Variants in NDC1 observed in about 807,000 individuals in gnomAD.
The protein encoded by NDC1 is NDC1 transmembrane nucleoporin, also known as nucleoporin NDC1.
NDC1 carries 24 observed loss-of-function variants against 89.8 expected under a neutral mutation model. The ratio of observed to expected loss-of-function variants is 0.27; its 90% CI spans 0.19 to 0.38. The LOEUF is 0.38. Ranked by LOEUF, NDC1 falls within the 10% of genes least tolerant of loss-of-function variation. The probability of loss-of-function intolerance (pLI) is 1.00; values close to 1 mark genes in which losing one functional copy is unlikely to be tolerated. For missense variants in NDC1, 728 were observed against 797.6 expected, an observed-to-expected ratio of 0.91 and a Z score of 1.05; for synonymous variants, 296 against 284.8, an observed-to-expected ratio of 1.04 and a Z score of -0.39.
chr1:53,806,371 T>C (rs908119879), intron 9 of NDC1, 54 bp downstream of exon 9: 2 of 1,130,286 alleles, frequency 1.8e-6, no homozygotes, highest in East Asian at 2.7e-5. Context: ...ATATTAAGTG[T>C]ATTGAATAAA....
At chr1:53,780,014 G>A (rs1184504750) in intron 16 of NDC1, among the ~76,000 whole-genome samples, 1 of 152,026 alleles carries the variant, frequency 6.6e-6, no homozygotes, top group Non-Finnish European at 1.5e-5. Context: ...CTACTTGCAA[G>A]ACTAGCTCAG....
At chr1:53,812,732 C>T (rs543811937) in intron 6 of NDC1, among the ~76,000 whole-genome samples, 7 of 152,288 alleles carry the variant, frequency 4.6e-5, no homozygotes, top group African/African-American at 1.7e-4. Flanking sequence ...ACCTAGACAT[C>T]CAAATACAAG....
At chr1:53,822,566 G>A (rs7519772) in intron 5 of NDC1, among the ~76,000 whole-genome samples, 158 of 151,930 alleles carry the variant, frequency 1.0e-3, no homozygotes, top group African/African-American at 3.6e-3. Flanking sequence ...ACTGTTACCA[G>A]TTTAGTGTAT....
chr1:53,776,438 T>C (rs1445331588), intron 16 of NDC1, among the ~76,000 whole-genome samples: 1 of 152,168 alleles, frequency 6.6e-6, no homozygotes, highest in Admixed American at 6.5e-5. Context: ...CATGTAAAAA[T>C]GGATATAAAA....
In NDC1 at chr1:53,777,860, T is replaced by C. The variant is rs548741026; in HGVS notation, c.1801-5371A>G. Among the ~76,000 whole-genome samples the C allele has an allele frequency of 3.3e-5, 5 of 152,204 alleles. 1 individual carries two copies. Among genetic ancestry groups the C allele is most frequent in the Non-Finnish European group, 5.9e-5 (4 of 68,010 alleles). ...CCCCAAGTAGACGGGACTATAGGCG[T>C]GTGCACCTCCCCACCTAAATTTTGT... On this transcript the variant is annotated intron_variant, in intron 16 of 17. Transcript: ENST00000371429.
intron 16 of NDC1, among the ~76,000 whole-genome samples, chr1:53,775,851 A>G (rs1286987744): frequency 6.6e-6 from 1 of 152,150 alleles, no homozygotes; most frequent in Non-Finnish European, 1.5e-5. Context: ...AGCATACCAC[A>G]TATATTTCCT....
chr1:53,794,431 C>G (rs1647626106), intron 13 of NDC1, among the ~76,000 whole-genome samples: 3 of 152,178 alleles, frequency 2.0e-5, no homozygotes, highest in African/African-American at 7.2e-5. Context: ...CAGCACGTGT[C>G]TGGTTGGGTA....
At chr1:53,823,348 T>A (rs1570230032) in intron 5 of NDC1, among the ~76,000 whole-genome samples, 1 of 152,220 alleles carries the variant, frequency 6.6e-6, no homozygotes, top group East Asian at 1.9e-4. Flanking sequence ...AAATCAATAC[T>A]CTGTCAAAGC....
intron 6 of NDC1, among the ~76,000 whole-genome samples, chr1:53,811,284 G>A (rs796165460): frequency 6.6e-6 from 1 of 152,262 alleles, no homozygotes; most frequent in African/African-American, 2.4e-5. Flanking sequence ...GCCAGAACTT[G>A]GGGGAGAGGG....
rs148955439 is a variant in NDC1 at position 53,807,666 on chromosome 1, T to C, written c.881A>G (p.Tyr294Cys). 18 of 1,604,638 alleles carry C rather than the reference T, an allele frequency of 1.1e-5. No homozygotes were observed. The highest frequency in any genetic ancestry group is 4.5e-5 in the South Asian group (4 of 88,578). ...TTTTAAAAAACATACCTCTGTGGCA[T>C]AGATTTTGAAGAGTATCCATGAGAC... is the stretch of plus-strand genomic sequence containing the variant. ...WYVSWILFKI[Y>C]ATEAHVFPVQ... is the part of the protein sequence containing the mutation. The change falls in exon 8 of 18, where the codon TAT becomes TGT. Residue 294 changes from tyrosine (Y) to cysteine (C), a missense_variant. Transcript: ENST00000371429.
chr1:53,833,337 T>C (rs1649127230), intron 2 of NDC1, among the ~76,000 whole-genome samples: 1 of 152,066 alleles, frequency 6.6e-6, no homozygotes, highest in Non-Finnish European at 1.5e-5. Context: ...GTTCTCACTA[T>C]GTTGTCAAGG....
chr1:53,788,723 G>A (rs1221412211), intron 15 of NDC1, among the ~76,000 whole-genome samples: 1 of 151,768 alleles, frequency 6.6e-6, no homozygotes, highest in Non-Finnish European at 1.5e-5. Flanking sequence ...CACCGCAACT[G>A]GCCCACAAAA....
At chr1:53,798,647 C>T (rs932619691) in intron 11 of NDC1, among the ~76,000 whole-genome samples, 2 of 151,090 alleles carry the variant, frequency 1.3e-5, no homozygotes, top group African/African-American at 2.4e-5. Context: ...CTCCACCTCC[C>T]GAGTTCAAGC....
chr1:53,817,333 G>A (rs1648515979), intron 6 of NDC1, among the ~76,000 whole-genome samples: 1 of 152,212 alleles, frequency 6.6e-6, no homozygotes, highest in Non-Finnish European at 1.5e-5. Flanking sequence ...ATCAGCATTT[G>A]CAGTGACCTG....
Position 53,807,587 on chromosome 1 carries a change from C to T in NDC1, c.891+69G>A, listed in dbSNP as rs1448905436. 7 of 1,372,848 alleles carry T rather than the reference C, an allele frequency of 5.1e-6. No individual in the cohort carries two copies. The Admixed American group carries it at 1.5e-4, about 30-fold the overall frequency. The allele number at this position is 1,372,848 out of a possible 1,614,324, so 85.0% of individuals were successfully genotyped here. A position where few individuals can be genotyped will look rare whatever the true frequency, so the allele number is the denominator to read the frequency against. ...GGTTTTGCGTGTGCTGATCAGTGTGCTCTGCTAAAAATCAACTGTGCACTC... is the reference window on the plus strand; with the variant it reads ...GGTTTTGCGTGTGCTGATCAGTGTGTTCTGCTAAAAATCAACTGTGCACTC... On this transcript the variant is annotated intron_variant, in intron 8 of 17. Coordinates refer to ENST00000371429, the MANE Select transcript of NDC1 (RefSeq NM_018087.5).
At chr1:53,800,224 C>A (rs1195396812) in intron 11 of NDC1, among the ~76,000 whole-genome samples, 1 of 151,960 alleles carries the variant, frequency 6.6e-6, no homozygotes, top group South Asian at 2.1e-4. Flanking sequence ...TACAATGATA[C>A]CCACGTCATT....
At position 53,800,811 on chromosome 1, in the gene NDC1, C is replaced by T. The variant is rs763156272; in HGVS notation, c.1104G>A (p.Glu368=). ...HPHNWTAISR[E]CLNLLNGMTQ... is the part of the protein sequence containing the mutation. ...TCATACCATTTAAAAGATTCAAACA[C>T]TCCCTTGAAATGGCTGTCCAATTGT... Residue 368 remains glutamate (E), a synonymous_variant, in exon 11 of 18, where the codon GAG becomes GAA. Transcript: ENST00000371429. 2 of 1,611,100 alleles carry T rather than the reference C, an allele frequency of 1.2e-6. No homozygotes were observed. Among genetic ancestry groups the T allele is most frequent in the African/African-American group, 1.3e-5 (1 of 74,858 alleles).
At chr1:53,796,656 G>A in intron 13 of NDC1, 33 bp downstream of exon 13, 1 of 1,349,666 alleles carries the variant, frequency 7.4e-7, no homozygotes, top group Non-Finnish European at 1.0e-6. Flanking sequence ...AATTTTACAT[G>A]CAAATATAAA....
At chr1:53,772,576 C>CA in intron 16 of NDC1, 87 bp from the exon 17 acceptor site, 1 of 1,312,234 alleles carries the variant, frequency 7.6e-7, no homozygotes, top group South Asian at 1.3e-5. Flanking sequence ...GTAATCCCAA[C>CA]ACTTTGGAAG....
Sources: gnomAD v4.1 joint callset for allele counts (sites outside exome capture counted in the v4.1 genomes callset) on GRCh38, gnomAD v4.1.1 for gene constraint, MANE v1.5 for transcripts, NCBI Gene and HGNC (gene_info 2026-07-23, HGNC 2026-07-21) for gene names.